INPP4A: variants seen among roughly 807,000 people sequenced by gnomAD.
INPP4A encodes the protein inositol polyphosphate-4-phosphatase type I A.
Under a neutral mutation model 119.8 loss-of-function variants are expected in INPP4A, and 33 were observed. That is an observed-to-expected ratio of 0.28 (90% CI 0.21 to 0.37). The LOEUF is 0.37. INPP4A is among the 10% of genes least tolerant of loss of function. The pLI is 1.00. For synonymous variants in INPP4A, 496 were observed against 500.7 expected (o/e 0.99, Z 0.12); for missense variants, 956 against 1,289.9 (o/e 0.74, Z 3.97).
rs1217183312 is a variant in INPP4A at position 98,533,399 on chromosome 2, A to T, written c.174A>T (p.Pro58=). ...TAGCTTGCAGTGAGCTGCATACTCC[A>T]TCGCTAGATCGAAAGCCAAATAGTT... is the stretch of plus-strand genomic sequence containing the variant. ...FSLACSELHT[P]SLDRKPNSFV... Residue 58 remains proline (P), a synonymous_variant, in exon 5 of 25, where the codon CCA becomes CCT. Transcript: ENST00000409851. 1.2e-6 allele frequency: 2 copies of T among 1,613,090 alleles called. No homozygotes were observed. The highest frequency in any genetic ancestry group is 1.7e-6 in the Non-Finnish European group (2 of 1,179,502).
chr2:98,583,623 A>G (rs1191078504), intron 24 of INPP4A, among the ~76,000 whole-genome samples: 1 of 152,094 alleles, frequency 6.6e-6, no homozygotes, highest in Admixed American at 6.5e-5. Flanking sequence ...TTCCCCATAC[A>G]CTGTAGTTTA....
chr2:98,545,252 C>T (rs1189999136), intron 11 of INPP4A, among the ~76,000 whole-genome samples: 1 of 152,200 alleles, frequency 6.6e-6, no homozygotes, highest in Non-Finnish European at 1.5e-5. Flanking sequence ...CTTCTACTCT[C>T]TGGTTGTCAG....
intron 1 of INPP4A, among the ~76,000 whole-genome samples, chr2:98,515,561 A>G (rs1685956946): frequency 6.6e-6 from 1 of 152,180 alleles, no homozygotes; most frequent in African/African-American, 2.4e-5. Flanking sequence ...ACCTTGAAAA[A>G]AATCACTCTG....
chr2:98,584,808 T>C (rs1442216990), intron 24 of INPP4A, among the ~76,000 whole-genome samples: 1 of 152,248 alleles, frequency 6.6e-6, no homozygotes, highest in Non-Finnish European at 1.5e-5. Flanking sequence ...ACTCAGTTGC[T>C]CTCCCTTTAT....
chr2:98,520,981 C>G, intron 4 of INPP4A: 1 of 377,222 alleles, frequency 2.7e-6, no homozygotes, highest in Non-Finnish European at 4.7e-6. Context: ...GGTATGCTCT[C>G]CACAGGTGGC....
intron 1 of INPP4A, among the ~76,000 whole-genome samples, chr2:98,493,777 C>T (rs911148586): frequency 7.2e-5 from 11 of 152,100 alleles, no homozygotes; most frequent in African/African-American, 2.7e-4. Context: ...AGGTTAATGC[C>T]AGCTTCCCTA....
At chr2:98,493,662 G>T (rs1681321444) in intron 1 of INPP4A, among the ~76,000 whole-genome samples, 1 of 152,096 alleles carries the variant, frequency 6.6e-6, no homozygotes, top group South Asian at 2.1e-4. Flanking sequence ...TTCCCAAAGT[G>T]CTGGGATTAC....
intron 1 of INPP4A, among the ~76,000 whole-genome samples, chr2:98,470,010 G>A (rs1441586708): frequency 6.6e-6 from 1 of 152,202 alleles, no homozygotes; most frequent in Admixed American, 6.5e-5. Context: ...AGTCATAGAG[G>A]CATAGTCATG....
At chr2:98,461,651 T>G (rs1467644756) in intron 1 of INPP4A, among the ~76,000 whole-genome samples, 2 of 152,256 alleles carry the variant, frequency 1.3e-5, no homozygotes, top group Non-Finnish European at 2.9e-5. Flanking sequence ...TCCCCTCCCT[T>G]AAGACACCAA....
At chr2:98,578,462 T>C (rs1005343214) in intron 24 of INPP4A, among the ~76,000 whole-genome samples, 1 of 152,180 alleles carries the variant, frequency 6.6e-6, no homozygotes, top group Non-Finnish European at 1.5e-5. Flanking sequence ...ACACAGTCCA[T>C]GCGGAAACCT....
intron 13 of INPP4A, among the ~76,000 whole-genome samples, chr2:98,551,024 T>C (rs1693420891): frequency 6.6e-6 from 1 of 152,074 alleles, no homozygotes; most frequent in African/African-American, 2.4e-5. Context: ...GGCACCGTCA[T>C]AACTCACTAC....
chr2:98,523,259 A>T (rs546508274), intron 4 of INPP4A, among the ~76,000 whole-genome samples: 3 of 152,372 alleles, frequency 2.0e-5, no homozygotes, highest in East Asian at 3.8e-4. Context: ...ACATTTCTGA[A>T]TCTGGTGAAC....
In INPP4A at chr2:98,554,961, T is replaced by G. The variant is rs995864918; in HGVS notation, c.1566+472T>G. 1.3e-5 allele frequency among the ~76,000 whole-genome samples: 2 copies of G among 152,230 alleles called. No individual in the cohort carries two copies. Among genetic ancestry groups the G allele is most frequent in the African/African-American group, 2.4e-5 (1 of 41,464 alleles). ...CATCACATTATTGTTCCTCAGAGAA[T>G]TGGCCCTGGGAGCAGGATCTGTGTT... On this transcript the variant is annotated intron_variant, in intron 15 of 24. Coordinates refer to ENST00000409851, the MANE Select transcript of INPP4A (RefSeq NM_001134225.2). The surrounding 1 kb of genome is among the most constrained non-coding windows in gnomAD (Gnocchi z 4.7).
Position 98,526,104 on chromosome 2 carries a change from T to G in INPP4A, c.151+5373T>G, listed in dbSNP as rs137957816. Among the ~76,000 whole-genome samples the G allele has an allele frequency of 2.6e-4, 40 of 152,264 alleles. No individual in the cohort carries two copies. In the East Asian group the frequency reaches 6.7e-3, roughly 26 times the overall value. On this transcript the variant is annotated intron_variant, in intron 4 of 24. Transcript: ENST00000409851. Reference sequence around the variant, plus strand: ...AATTGTACAATGGAATATGACTCATTTTTTAAAAAAGAATGAATTATCAAT... The same window carrying G: ...AATTGTACAATGGAATATGACTCATGTTTTAAAAAAGAATGAATTATCAAT...
intron 1 of INPP4A, among the ~76,000 whole-genome samples, chr2:98,518,728 A>T (rs905552924): frequency 6.6e-6 from 1 of 152,192 alleles, no homozygotes; most frequent in Non-Finnish European, 1.5e-5. Flanking sequence ...GCTCTTTAGG[A>T]CAGGCCCAGA....
chr2:98,478,227 T>C (rs1219006144), intron 1 of INPP4A, among the ~76,000 whole-genome samples: 1 of 152,136 alleles, frequency 6.6e-6, no homozygotes, highest in Admixed American at 6.5e-5. Flanking sequence ...TAAGTCACAG[T>C]GTCCTCCCTC....
intron 1 of INPP4A, among the ~76,000 whole-genome samples, chr2:98,513,160 T>TC (rs897295653): frequency 4.1e-4 from 63 of 152,260 alleles, no homozygotes; most frequent in Admixed American, 3.7e-3. Context: ...AACTGCTGTA[T>TC]CGTAGGCCCA....
chr2:98,559,899 GTAGA>G (rs1695157686), intron 17 of INPP4A, among the ~76,000 whole-genome samples: 1 of 152,194 alleles, frequency 6.6e-6, no homozygotes, highest in African/African-American at 2.4e-5. Flanking sequence ...TCCTTTGCAT[GTAGA>G]AACCAATGTT....
intron 1 of INPP4A, among the ~76,000 whole-genome samples, chr2:98,447,688 T>G (rs1244312494): frequency 6.6e-6 from 1 of 152,184 alleles, no homozygotes; most frequent in African/African-American, 2.4e-5. Flanking sequence ...GTGTTACTAC[T>G]TTTTCCTGAA....
Sources: gnomAD v4.1 joint callset for allele counts (sites outside exome capture counted in the v4.1 genomes callset) on GRCh38, gnomAD v4.1.1 for gene constraint, Gnocchi (gnomAD v3.1) non-coding constraint, MANE v1.5 for transcripts, NCBI Gene and HGNC (gene_info 2026-07-23, HGNC 2026-07-21) for gene names.